The following NINJ2 variants were observed in gnomAD, a reference collection of about 807,000 sequenced individuals.
NINJ2 encodes the protein ninjurin-2.
Under a neutral mutation model 11.7 loss-of-function variants are expected in NINJ2, and 12 were observed. The observed-to-expected ratio is 1.02, with a 90% CI of 0.66 to 1.66. The LOEUF (loss-of-function observed/expected upper bound fraction) is 1.66, where lower values mean the gene tolerates loss of function less well. NINJ2 is among the 40% of genes most tolerant of loss of function. NINJ2 has a pLI of 0.00. For missense variants in NINJ2, 187 were observed against 181.8 expected, an observed-to-expected ratio of 1.03 and a Z score of -0.16; for synonymous variants, 93 against 76.8, an observed-to-expected ratio of 1.21 and a Z score of -1.10.
At chr12:573,171 G>A (rs1031747980) in intron 1 of NINJ2, among the ~76,000 whole-genome samples, 7 of 151,664 alleles carry the variant, frequency 4.6e-5, no homozygotes, top group South Asian at 4.2e-4. Context: ...GACTACAGGC[G>A]CCCGCCACCA....
chr12:569,558 T>C (rs1045984171), intron 1 of NINJ2, among the ~76,000 whole-genome samples: 2 of 151,730 alleles, frequency 1.3e-5, no homozygotes, highest in Non-Finnish European at 2.9e-5. Context: ...CAGACCCCCT[T>C]CCCCCCAAAT....
At chr12:641,571 T>A in intron 1 of NINJ2, among the ~76,000 whole-genome samples, 1 of 152,124 alleles carries the variant, frequency 6.6e-6, no homozygotes, top group East Asian at 1.9e-4. Flanking sequence ...CCGGGCGCGG[T>A]GGCTCACACT....
intron 1 of NINJ2, among the ~76,000 whole-genome samples, chr12:589,994 G>A (rs990566474): frequency 6.6e-5 from 10 of 152,302 alleles, no homozygotes; most frequent in Admixed American, 4.6e-4. Context: ...GTGGGGCAGC[G>A]GATCAGGGAG....
chr12:611,666 A>T (rs896570120), intron 1 of NINJ2, among the ~76,000 whole-genome samples: 1 of 152,248 alleles, frequency 6.6e-6, no homozygotes, highest in African/African-American at 2.4e-5. Flanking sequence ...GCATAAAAGT[A>T]AGAAAGGATT....
At chr12:649,006 CTA>C in intron 1 of NINJ2, among the ~76,000 whole-genome samples, 1 of 151,772 alleles carries the variant, frequency 6.6e-6, no homozygotes, top group African/African-American at 2.4e-5. Flanking sequence ...GTCTATCTAT[CTA>C]TCTATCTATC....
chr12:565,659 A>T, intron 2 of NINJ2: 1 of 611,756 alleles, frequency 1.6e-6, no homozygotes. Flanking sequence ...GTGCTCATGG[A>T]GAAGCGGTGA....
At chr12:572,832 T>C (rs1947395943) in intron 1 of NINJ2, among the ~76,000 whole-genome samples, 1 of 150,456 alleles carries the variant, frequency 6.6e-6, no homozygotes, top group Admixed American at 6.6e-5. Context: ...CCCAATCCTC[T>C]ATGTGCCAGA....
At chr12:655,952 A>T (rs1161624184) in intron 1 of NINJ2, among the ~76,000 whole-genome samples, 1 of 152,004 alleles carries the variant, frequency 6.6e-6, no homozygotes, top group Non-Finnish European at 1.5e-5. Context: ...ATATAAAATA[A>T]ATAGATAGAT....
chr12:648,777 T>C (rs1445908027), intron 1 of NINJ2, among the ~76,000 whole-genome samples: 1 of 152,194 alleles, frequency 6.6e-6, no homozygotes, highest in African/African-American at 2.4e-5. Context: ...ATTACAATCC[T>C]ATTTCTCACT....
At chr12:602,249 T>A (rs1265473310) in intron 1 of NINJ2, among the ~76,000 whole-genome samples, 1 of 152,158 alleles carries the variant, frequency 6.6e-6, no homozygotes, top group African/African-American at 2.4e-5. Context: ...ATCATCACAA[T>A]CCATTCTAGA....
At chr12:646,086 A>G (rs10849390) in intron 1 of NINJ2, among the ~76,000 whole-genome samples, 27,863 of 152,114 alleles carry the variant, frequency 0.18, 2,916 homozygotes, top group East Asian at 0.33. Flanking sequence ...GCCCGCTGCC[A>G]GCCACTACTA....
At chr12:601,179 A>G (rs1194578544) in intron 1 of NINJ2, among the ~76,000 whole-genome samples, 1 of 152,234 alleles carries the variant, frequency 6.6e-6, no homozygotes, top group Admixed American at 6.5e-5. Flanking sequence ...TTTAGAATGC[A>G]TGTAACTAGG....
intron 1 of NINJ2, among the ~76,000 whole-genome samples, chr12:612,694 T>A (rs1329422754): frequency 6.6e-6 from 1 of 152,174 alleles, no homozygotes; most frequent in Non-Finnish European, 1.5e-5. Flanking sequence ...CCTGACACTT[T>A]ATGATAAACT....
At chr12:601,382 T>C (rs1947867691) in intron 1 of NINJ2, among the ~76,000 whole-genome samples, 1 of 149,404 alleles carries the variant, frequency 6.7e-6, no homozygotes, top group South Asian at 2.1e-4. Flanking sequence ...CCGTCTCTAC[T>C]AAAAATACAA....
At chr12:613,780 C>T (rs963544497) in intron 1 of NINJ2, among the ~76,000 whole-genome samples, 12 of 152,002 alleles carry the variant, frequency 7.9e-5, no homozygotes, top group African/African-American at 2.9e-4. Flanking sequence ...TGGCGGGCGC[C>T]TGTAGTCCCA....
intron 1 of NINJ2, among the ~76,000 whole-genome samples, chr12:659,578 C>T (rs950324370): frequency 9.9e-5 from 15 of 152,156 alleles, no homozygotes; most frequent in Admixed American, 9.2e-4. Flanking sequence ...AGCCACAGGC[C>T]ATAGAACAGA....
chr12:610,892 C>T (rs1174738241), intron 1 of NINJ2, among the ~76,000 whole-genome samples: 25 of 152,082 alleles, frequency 1.6e-4, no homozygotes, highest in Non-Finnish European at 2.4e-4. Context: ...CACCACCATA[C>T]CTGGCTAATT....
At chr12:638,490 A>G (rs1948379394) in intron 1 of NINJ2, among the ~76,000 whole-genome samples, 2 of 152,216 alleles carry the variant, frequency 1.3e-5, no homozygotes, top group East Asian at 3.8e-4. Flanking sequence ...ATCTCGGCTC[A>G]CTACAAGCTC....
chr12:585,253 G>A lies in NINJ2; in HGVS notation c.34-19075C>T, dbSNP rs911590468. Among the ~76,000 whole-genome samples, 4 of 152,248 alleles carry A rather than the reference G, an allele frequency of 2.6e-5. No homozygotes were observed. Among genetic ancestry groups the A allele is most frequent in the African/African-American group, 7.2e-5 (3 of 41,466 alleles). Reference sequence around the variant, plus strand: ...CTCCCCGCCATTCACTGGGCTCTGGGGGCTCTGGGCTTCCCTGCTGCAAGC... The same window carrying A: ...CTCCCCGCCATTCACTGGGCTCTGGAGGCTCTGGGCTTCCCTGCTGCAAGC... On this transcript the variant is annotated intron_variant, in intron 1 of 3. Coordinates refer to ENST00000305108, the MANE Select transcript of NINJ2 (RefSeq NM_016533.6). This position sits in a 1 kb window ranked among gnomAD's most constrained non-coding sequence, Gnocchi z 4.1.
Sources: gnomAD v4.1 joint callset for allele counts (sites outside exome capture counted in the v4.1 genomes callset) on GRCh38, gnomAD v4.1.1 for gene constraint, Gnocchi (gnomAD v3.1) non-coding constraint, MANE v1.5 for transcripts, NCBI Gene and HGNC (gene_info 2026-07-23, HGNC 2026-07-21) for gene names.